Variants in RAP2A observed in about 807,000 individuals in gnomAD.
RAP2A encodes the protein ras-related protein Rap-2a.
In RAP2A, 5 loss-of-function variants were observed where a neutral mutation model predicts 15.1. That is an observed-to-expected ratio of 0.33 (90% CI 0.17 to 0.70). The LOEUF is 0.70. RAP2A is among the 30% of genes least tolerant of loss of function. RAP2A has a pLI of 0.68. For synonymous variants in RAP2A, 110 were observed against 99.7 expected (o/e 1.10, Z -0.62); for missense variants, 111 against 240.3 (o/e 0.46, Z 3.56).
chr13:97,451,436 T>C (rs2066701967), intron 1 of RAP2A, among the ~76,000 whole-genome samples: 1 of 152,154 alleles, frequency 6.6e-6, no homozygotes, highest in Admixed American at 6.6e-5. Flanking sequence ...TGCCTAGTAA[T>C]GAACTTCTGG....
chr13:97,454,053 G>A (rs755934701), intron 1 of RAP2A, among the ~76,000 whole-genome samples: 16 of 150,858 alleles, frequency 1.1e-4, no homozygotes, highest in Admixed American at 7.9e-4. Flanking sequence ...TAGTCTTGTC[G>A]GATCGATGTT....
chr13:97,469,111 T>C lies in RAP2A; in HGVS notation c.*4669T>C, dbSNP rs2066784690. ...GTTGAATATTATCTAGTATTTTTAA[T>C]AAATATTTTCATAAATAGTTTTTGT... On this transcript the variant is annotated 3_prime_UTR_variant, in exon 2 of 2. Coordinates refer to ENST00000245304, the MANE Select transcript of RAP2A (RefSeq NM_021033.7). The C allele has an allele frequency of 6.6e-6, 1 of 152,196 alleles. No individual in the cohort carries two copies. The highest frequency in any genetic ancestry group is 1.5e-5 in the Non-Finnish European group (1 of 68,040). The allele number at this position is 152,196 out of a possible 1,614,324, so 9.4% of individuals were successfully genotyped here. A position where few individuals can be genotyped will look rare whatever the true frequency, so the allele number is the denominator to read the frequency against.
intron 1 of RAP2A, among the ~76,000 whole-genome samples, chr13:97,445,283 T>G (rs2066674937): frequency 6.6e-6 from 1 of 152,184 alleles, no homozygotes; most frequent in South Asian, 2.1e-4. Flanking sequence ...TGCTTTCTTT[T>G]TCTACTTCGT....
chr13:97,458,741 C>T (rs776336267), intron 1 of RAP2A, among the ~76,000 whole-genome samples: 4 of 152,022 alleles, frequency 2.6e-5, no homozygotes, highest in African/African-American at 7.2e-5. Context: ...TATACGTATA[C>T]ATACCTACAT....
intron 1 of RAP2A, among the ~76,000 whole-genome samples, chr13:97,445,049 C>T (rs2066673955): frequency 6.6e-6 from 1 of 152,136 alleles, no homozygotes; most frequent in African/African-American, 2.4e-5. Context: ...TCCCACAAAC[C>T]TCCTTTATAA....
chr13:97,439,019 G>C (rs1160661702), intron 1 of RAP2A, among the ~76,000 whole-genome samples: 1 of 152,138 alleles, frequency 6.6e-6, no homozygotes, highest in Non-Finnish European at 1.5e-5. Flanking sequence ...CTTCCAGTTG[G>C]GGCAGTGTTT....
chr13:97,464,424 T>C lies in RAP2A; in HGVS notation c.534T>C (p.Ser178=). ...AQPDKDDPCC[S]ACNIQ ...CTGACAAAGATGACCCATGCTGTTC[T>C]GCATGTAACATACAATAGCATCCAA... is the stretch of plus-strand genomic sequence containing the variant. The change falls in exon 2 of 2, where the codon TCT becomes TCC. Residue 178 remains serine, a synonymous_variant. Transcript: ENST00000245304. 6.2e-7 allele frequency: 1 copy of C among 1,614,136 alleles called. No individual in the cohort carries two copies.
intron 1 of RAP2A, among the ~76,000 whole-genome samples, chr13:97,447,166 A>G (rs1175216016): frequency 6.6e-6 from 1 of 152,228 alleles, no homozygotes; most frequent in Non-Finnish European, 1.5e-5. Context: ...CTTGCAATTG[A>G]TCTACCCGAT....
At chr13:97,454,546 A>C (rs530610743) in intron 1 of RAP2A, among the ~76,000 whole-genome samples, 1 of 151,328 alleles carries the variant, frequency 6.6e-6, no homozygotes, top group Non-Finnish European at 1.5e-5. Context: ...AGTAAAATGT[A>C]AAGAGCTTAC....
intron 1 of RAP2A, among the ~76,000 whole-genome samples, chr13:97,452,315 CA>C (rs929465359): frequency 6.6e-6 from 1 of 150,940 alleles, no homozygotes; most frequent in African/African-American, 2.4e-5. Context: ...GATAGGGGGT[CA>C]GGGGATTTGT....
chr13:97,459,979 CTATT>C (rs2153180325), intron 1 of RAP2A, among the ~76,000 whole-genome samples: 2 of 152,302 alleles, frequency 1.3e-5, no homozygotes, highest in East Asian at 3.9e-4. Context: ...TCATTACTAG[CTATT>C]TATGCCACAT....
intron 1 of RAP2A, among the ~76,000 whole-genome samples, chr13:97,443,371 T>G (rs2066665978): frequency 6.6e-6 from 1 of 152,184 alleles, no homozygotes; most frequent in Non-Finnish European, 1.5e-5. Flanking sequence ...TCTTTACAGC[T>G]CTCTCTCTGT....
At chr13:97,447,716 T>A (rs1455007962) in intron 1 of RAP2A, among the ~76,000 whole-genome samples, 1 of 152,184 alleles carries the variant, frequency 6.6e-6, no homozygotes, top group Non-Finnish European at 1.5e-5. Context: ...TTTGTGACAT[T>A]TTTGTTACTC....
Position 97,466,217 on chromosome 13 carries a change from A to G in RAP2A, c.*1775A>G, listed in dbSNP as rs965982104. On this transcript the variant is annotated 3_prime_UTR_variant, in exon 2 of 2. Transcript: ENST00000245304. ...CATTAAGCTTAGAGGGTGAAAAAAA[A>G]AAAAAAGATTGATAGTATTTTTCAT... is the stretch of plus-strand genomic sequence containing the variant. 6.6e-6 allele frequency: 1 copy of G among 152,156 alleles called. No individual in the cohort carries two copies. The highest frequency in any genetic ancestry group is 1.5e-5 in the Non-Finnish European group (1 of 68,036). 9.4% of individuals were successfully genotyped at this position (152,156 alleles called of 1,614,324 possible).
intron 1 of RAP2A, among the ~76,000 whole-genome samples, chr13:97,458,754 C>T (rs2066734488): frequency 6.6e-6 from 1 of 151,892 alleles, no homozygotes; most frequent in African/African-American, 2.4e-5. Flanking sequence ...ACCTACATAT[C>T]AGGACAGTTA....
chr13:97,450,461 T>C (rs898419603), intron 1 of RAP2A, among the ~76,000 whole-genome samples: 3 of 152,144 alleles, frequency 2.0e-5, no homozygotes, highest in Non-Finnish European at 4.4e-5. Context: ...AGATGAAAGC[T>C]GTGTGTTCTC....
At chr13:97,450,467 T>C (rs2066697472) in intron 1 of RAP2A, among the ~76,000 whole-genome samples, 1 of 152,158 alleles carries the variant, frequency 6.6e-6, no homozygotes, top group African/African-American at 2.4e-5. Flanking sequence ...AAGCTGTGTG[T>C]TCTCCATATA....
intron 1 of RAP2A, among the ~76,000 whole-genome samples, chr13:97,445,508 A>G (rs2066675757): frequency 2.6e-5 from 4 of 152,254 alleles, no homozygotes; most frequent in African/African-American, 9.6e-5. Context: ...AATCCAGTTT[A>G]TGCATAATAC....
intron 1 of RAP2A, among the ~76,000 whole-genome samples, chr13:97,441,616 C>A (rs1458826855): frequency 6.6e-6 from 1 of 151,826 alleles, no homozygotes; most frequent in African/African-American, 2.4e-5. Context: ...TTTCAGTTCT[C>A]TTTTAGTCAT....
Sources: allele counts gnomAD v4.1 joint callset (sites outside exome capture counted in the v4.1 genomes callset), GRCh38; gene constraint gnomAD v4.1.1; transcripts MANE v1.5; gene names NCBI Gene and HGNC (gene_info 2026-07-23, HGNC 2026-07-21).